The following CA10 variants were observed in gnomAD, a reference collection of about 807,000 sequenced individuals.
CA10 encodes the protein carbonic anhydrase-related protein 10.
CA10 carries 14 observed loss-of-function variants against 44.2 expected under a neutral mutation model. The observed-to-expected ratio is 0.32, with a 90% confidence interval of 0.21 to 0.50. The LOEUF (loss-of-function observed/expected upper bound fraction) is 0.50. Among genes scored for constraint, CA10 ranks in the 20% least tolerant of loss-of-function variants. CA10 has a pLI of 0.99. For missense variants in CA10, 350 were observed against 409.7 expected (o/e 0.85, Z 1.26); for synonymous variants, 159 against 141.6 (o/e 1.12, Z -0.87).
Position 51,747,660 on chromosome 17 carries a change from G to C in CA10, c.438C>G (p.Leu146=), listed in dbSNP as rs200041380. The C allele has an allele frequency of 6.2e-7, 1 of 1,613,724 alleles. No individual in the cohort carries two copies. Among genetic ancestry groups the C allele is most frequent in the Middle Eastern group, 1.7e-4 (1 of 6,058 alleles). The change falls in exon 4 of 9, where the codon CTC becomes CTG. Residue 146 remains leucine (L), a synonymous_variant. Coordinates refer to ENST00000451037, the MANE Select transcript of CA10 (RefSeq NM_020178.5). ...GSEDSQGSEH[L]LNGQAFSGEV... The stretch of plus-strand genomic sequence containing the variant: ...CCCCAGAGAAGGCCTGTCCATTGAG[G>C]AGGTGCTCCGACCCTTGGCTGTCCT...
intron 4 of CA10, among the ~76,000 whole-genome samples, chr17:51,708,583 G>T (rs1391858113): frequency 1.3e-5 from 2 of 152,150 alleles, no homozygotes; most frequent in Non-Finnish European, 2.9e-5. Context: ...CAACTTGATT[G>T]CATGGAAGGA....
intron 1 of CA10, among the ~76,000 whole-genome samples, chr17:52,127,217 A>G (rs1417769029): frequency 1.3e-5 from 2 of 152,184 alleles, no homozygotes; most frequent in African/African-American, 4.8e-5. Context: ...CGCTATACAT[A>G]TTGTCCAGCA....
rs1307239829 is a variant in CA10, at chr17:51,631,045, TCCTGCTCA to T, written c.*531_*538del. The T allele has an allele frequency of 6.7e-6, 1 of 148,188 alleles. No individual in the cohort carries two copies. Among genetic ancestry groups the T allele is most frequent in the Non-Finnish European group, 1.5e-5 (1 of 68,110 alleles). The allele number at this position is 148,188 out of a possible 1,614,324, so 9.2% of individuals were successfully genotyped here. ...AAATAAGTGTCCTTGGTCAACTTTGTCCTGCTCACCTGCTACCAGCACCCTCAAAGGAT... is the reference window on the plus strand; with the variant it reads ...AAATAAGTGTCCTTGGTCAACTTTGTCCTGCTACCAGCACCCTCAAAGGAT... On this transcript the variant is annotated 3_prime_UTR_variant, in exon 9 of 9. Transcript: ENST00000451037.
chr17:52,147,045 T>G (rs1479750368), intron 1 of CA10, among the ~76,000 whole-genome samples: 1 of 152,178 alleles, frequency 6.6e-6, no homozygotes, highest in African/African-American at 2.4e-5. Flanking sequence ...GATTGTGGGG[T>G]GTATGTGTCA....
chr17:51,807,575 C>T (rs969911455), intron 3 of CA10, among the ~76,000 whole-genome samples: 4 of 152,044 alleles, frequency 2.6e-5, no homozygotes, highest in African/African-American at 9.7e-5. Context: ...TTCATGCCAC[C>T]TTTTTTAATA....
intron 2 of CA10, among the ~76,000 whole-genome samples, chr17:52,042,453 G>A (rs1214554293): frequency 1.3e-5 from 2 of 151,350 alleles, no homozygotes; most frequent in African/African-American, 4.9e-5. Context: ...TTTTTGTTTG[G>A]GTTGGTTGCT....
intron 2 of CA10, among the ~76,000 whole-genome samples, chr17:52,040,674 G>T (rs1181626981): frequency 6.6e-6 from 1 of 152,046 alleles, no homozygotes; most frequent in Non-Finnish European, 1.5e-5. Context: ...CCAGATCAAA[G>T]CACAGAGAGG....
chr17:51,637,529 C>T (rs1269552984), intron 6 of CA10, among the ~76,000 whole-genome samples: 1 of 152,224 alleles, frequency 6.6e-6, no homozygotes, highest in East Asian at 1.9e-4. Flanking sequence ...CATGGATGCA[C>T]ACATGTTCTC....
At chr17:51,905,261 G>A (rs1981495829) in intron 3 of CA10, among the ~76,000 whole-genome samples, 1 of 152,158 alleles carries the variant, frequency 6.6e-6, no homozygotes, top group South Asian at 2.1e-4. Flanking sequence ...GGAGATAGGA[G>A]TCTTTGCGCA....
chr17:51,700,619 A>C (rs1357979736), intron 4 of CA10, among the ~76,000 whole-genome samples: 2 of 152,034 alleles, frequency 1.3e-5, no homozygotes, highest in Non-Finnish European at 2.9e-5. Flanking sequence ...AGCCTGTCCC[A>C]ATGACTGTAT....
chr17:51,936,731 A>G (rs1982882903), intron 2 of CA10, among the ~76,000 whole-genome samples: 1 of 135,286 alleles, frequency 7.4e-6, no homozygotes, highest in East Asian at 2.4e-4. Context: ...GGGAAATACC[A>G]TGGTCTGATT....
intron 1 of CA10, among the ~76,000 whole-genome samples, chr17:52,083,947 A>T (rs1988050320): frequency 6.6e-6 from 1 of 152,188 alleles, no homozygotes; most frequent in Non-Finnish European, 1.5e-5. Context: ...CTGCAGATTG[A>T]ATGGTAGTCT....
intron 3 of CA10, among the ~76,000 whole-genome samples, chr17:51,925,250 C>T (rs893473417): frequency 2.6e-5 from 4 of 152,026 alleles, no homozygotes; most frequent in Non-Finnish European, 4.4e-5. Context: ...TTTCTACAAC[C>T]TATCTCCTTC....
intron 3 of CA10, among the ~76,000 whole-genome samples, chr17:51,899,050 G>A (rs1300766730): frequency 6.6e-6 from 1 of 151,730 alleles, no homozygotes; most frequent in Admixed American, 6.6e-5. Flanking sequence ...ATTTAGTTTA[G>A]CTCTGATTTT....
intron 3 of CA10, among the ~76,000 whole-genome samples, chr17:51,881,226 CGAGACTCCG>C (rs386797682): frequency 0.023 from 2,780 of 122,524 alleles, 76 homozygotes; most frequent in African/African-American, 0.083. Context: ...GGCGACAGAG[CGAGACTCCG>C]TCTCAAGAAA....
At chr17:52,116,090 C>CAAAA (rs71149393) in intron 1 of CA10, among the ~76,000 whole-genome samples, 1 of 136,746 alleles carries the variant, frequency 7.3e-6, no homozygotes. Context: ...GACTCTGTCT[C>CAAAA]AAAAAAAAAA....
chr17:51,663,025 T>G (rs1206270416), intron 4 of CA10, among the ~76,000 whole-genome samples: 2 of 152,192 alleles, frequency 1.3e-5, no homozygotes, highest in African/African-American at 4.8e-5. Flanking sequence ...GTGGGGCTAC[T>G]TATCCCCTCT....
intron 3 of CA10, among the ~76,000 whole-genome samples, chr17:51,793,005 A>G (rs1906579426): frequency 6.6e-6 from 1 of 152,208 alleles, no homozygotes; most frequent in African/African-American, 2.4e-5. Context: ...ACCGTTAAGG[A>G]ACTGCTTTTC....
chr17:52,078,803 G>A (rs1025142132), intron 1 of CA10, among the ~76,000 whole-genome samples: 3 of 152,104 alleles, frequency 2.0e-5, no homozygotes, highest in African/African-American at 7.2e-5. Flanking sequence ...AGACTAACGG[G>A]GATAATGCCC....
Sources: allele counts gnomAD v4.1 joint callset (sites outside exome capture counted in the v4.1 genomes callset), GRCh38; gene constraint gnomAD v4.1.1; transcripts MANE v1.5; gene names NCBI Gene and HGNC (gene_info 2026-07-23, HGNC 2026-07-21).